The following PRH1 variants were observed in gnomAD, a reference collection of about 807,000 sequenced individuals.
PRH1 encodes proline rich protein HaeIII subfamily 1, also known as salivary acidic proline-rich phosphoprotein 1/2.
In PRH1, 7 loss-of-function variants were observed where a neutral mutation model predicts 7.9. That is an observed-to-expected ratio of 0.89 (90% CI 0.50 to 1.67). PRH1 has a LOEUF of 1.67. Ranked by LOEUF, PRH1 falls within the 40% of genes most tolerant of loss-of-function variation. The pLI, the probability that PRH1 is intolerant of heterozygous loss-of-function variation, is 0.00. For synonymous variants in PRH1, 45 were observed against 80.8 expected, an observed-to-expected ratio of 0.56 and a Z score of 2.38; for missense variants, 109 against 223.6, an observed-to-expected ratio of 0.49 and a Z score of 3.27.
chr12:10,905,104 T>A (rs1433366566), intron 2 of PRH1, among the ~76,000 whole-genome samples: 1 of 152,028 alleles, frequency 6.6e-6, no homozygotes, highest in Admixed American at 6.6e-5. Context: ...TCAGCCACTG[T>A]AGAAAGCAGT....
chr12:11,030,242 TA>T (rs1163247839), intron 1 of PRH1: 7 of 832,784 alleles, frequency 8.4e-6, no homozygotes, highest in Admixed American at 7.0e-5. Context: ...CACATATATA[TA>T]TTTTTTTTTC....
At chr12:11,167,986 T>A (rs1172643537) in intron 1 of PRH1, among the ~76,000 whole-genome samples, 1 of 152,050 alleles carries the variant, frequency 6.6e-6, no homozygotes, top group Non-Finnish European at 1.5e-5. Context: ...TATGCACCTA[T>A]GAAATCTGGC....
At chr12:11,011,902 A>G (rs1012249187) in intron 1 of PRH1, among the ~76,000 whole-genome samples, 7 of 152,134 alleles carry the variant, frequency 4.6e-5, no homozygotes, top group African/African-American at 1.7e-4. Flanking sequence ...AATTTCCAAA[A>G]TGGAAAATGA....
intron 1 of PRH1, among the ~76,000 whole-genome samples, chr12:11,128,689 T>TA (rs1171601043): frequency 2.6e-5 from 4 of 151,914 alleles, no homozygotes; most frequent in Admixed American, 2.6e-4. Context: ...AGGTTATAGT[T>TA]AGTCGAGATC....
chr12:11,122,555 G>C (rs912162031), intron 1 of PRH1, among the ~76,000 whole-genome samples: 5 of 152,274 alleles, frequency 3.3e-5, no homozygotes, highest in Non-Finnish European at 4.4e-5. Context: ...GAATGTCAAA[G>C]TTTTGTCATA....
At chr12:11,114,224 T>G (rs1198229248) in intron 1 of PRH1, among the ~76,000 whole-genome samples, 2 of 152,188 alleles carry the variant, frequency 1.3e-5, no homozygotes, top group Non-Finnish European at 1.5e-5. Context: ...ATTGCAGCAT[T>G]GTTCACAAGA....
At chr12:10,994,145 T>C (rs963525271) in intron 1 of PRH1, among the ~76,000 whole-genome samples, 4 of 152,206 alleles carry the variant, frequency 2.6e-5, no homozygotes, top group Non-Finnish European at 5.9e-5. Flanking sequence ...TCAGATTTAC[T>C]TGACTGTCTC....
At chr12:11,056,251 A>T (rs1943358262) in intron 1 of PRH1, among the ~76,000 whole-genome samples, 1 of 152,252 alleles carries the variant, frequency 6.6e-6, no homozygotes, top group Admixed American at 6.5e-5. Flanking sequence ...CTTAAAAAAC[A>T]TGTTTTCCAT....
chr12:11,147,721 C>T (rs1183831091), intron 1 of PRH1, among the ~76,000 whole-genome samples: 1 of 152,118 alleles, frequency 6.6e-6, no homozygotes, highest in Non-Finnish European at 1.5e-5. Flanking sequence ...ATTACATTAG[C>T]TAAAAGTGCT....
intron 1 of PRH1, among the ~76,000 whole-genome samples, chr12:11,065,322 T>G (rs1200147884): frequency 6.6e-6 from 1 of 152,122 alleles, no homozygotes; most frequent in African/African-American, 2.4e-5. Context: ...TGTCTGAAGT[T>G]TGATGGTTTC....
intron 1 of PRH1, among the ~76,000 whole-genome samples, chr12:11,153,994 A>T (rs955111392): frequency 9.8e-5 from 15 of 152,338 alleles, no homozygotes; most frequent in African/African-American, 3.6e-4. Flanking sequence ...TGTTTTTTCT[A>T]CTTTAATATT....
intron 2 of PRH1, among the ~76,000 whole-genome samples, chr12:10,940,009 A>G (rs1408544625): frequency 2.0e-5 from 3 of 152,150 alleles, no homozygotes; most frequent in African/African-American, 7.2e-5. Context: ...AATTTACAAT[A>G]AAAATAAAGA....
intron 1 of PRH1, among the ~76,000 whole-genome samples, chr12:11,020,622 T>C (rs1461561613): frequency 6.6e-6 from 1 of 151,152 alleles, no homozygotes; most frequent in Non-Finnish European, 1.5e-5. Context: ...ATAATACATA[T>C]CATTAATACA....
chr12:11,163,838 A>ACC (rs1947489404), intron 1 of PRH1, among the ~76,000 whole-genome samples: 1 of 151,366 alleles, frequency 6.6e-6, no homozygotes, highest in Non-Finnish European at 1.5e-5. Context: ...AAAATCTCAC[A>ACC]TTTGCCACAG....
intron 1 of PRH1, among the ~76,000 whole-genome samples, chr12:11,149,237 G>C (rs1380525954): frequency 5.9e-5 from 9 of 152,124 alleles, no homozygotes; most frequent in Admixed American, 4.6e-4. Context: ...CAAAAAACCA[G>C]CTCCTGGATT....
intron 1 of PRH1, among the ~76,000 whole-genome samples, chr12:11,169,799 T>C (rs1232649616): frequency 2.0e-5 from 3 of 152,204 alleles, no homozygotes; most frequent in Non-Finnish European, 4.4e-5. Context: ...TTAGAAGTTG[T>C]CATAAGTAAT....
At chr12:10,883,310 G>A (rs1949438121) in intron 1 of PRH1, among the ~76,000 whole-genome samples, 1 of 152,108 alleles carries the variant, frequency 6.6e-6, no homozygotes, top group African/African-American at 2.4e-5. Context: ...CAACATAGAA[G>A]GGCCCCTGTT....
At chr12:11,024,056 T>C (rs1428946243) in intron 1 of PRH1, among the ~76,000 whole-genome samples, 2 of 152,210 alleles carry the variant, frequency 1.3e-5, no homozygotes, top group South Asian at 2.1e-4. Context: ...TTCAGAAATC[T>C]GTGGTTGGCA....
At chr12:11,037,913 A>G (rs1942509357) in intron 1 of PRH1, among the ~76,000 whole-genome samples, 1 of 152,136 alleles carries the variant, frequency 6.6e-6, no homozygotes, top group African/African-American at 2.4e-5. Context: ...GTGGTGGTGC[A>G]CACCTGTTGT....
Sources: gnomAD v4.1 joint callset for allele counts (sites outside exome capture counted in the v4.1 genomes callset) on GRCh38, gnomAD v4.1.1 for gene constraint, MANE v1.5 for transcripts, NCBI Gene and HGNC (gene_info 2026-07-23, HGNC 2026-07-21) for gene names.